The following PLPPR5 variants were observed in gnomAD, a reference collection of about 807,000 sequenced individuals.
The protein encoded by PLPPR5 is phospholipid phosphatase-related protein type 5.
PLPPR5 carries 16 observed loss-of-function variants against 33.9 expected under a neutral mutation model. The observed-to-expected ratio is 0.47, with a 90% CI of 0.32 to 0.72. The LOEUF (loss-of-function observed/expected upper bound fraction) is 0.72. Among genes scored for constraint, PLPPR5 ranks in the 30% least tolerant of loss-of-function variants. The pLI is 0.03. For missense variants in PLPPR5, 301 were observed against 406.7 expected (o/e 0.74, Z 2.23); for synonymous variants, 163 against 150.3 (o/e 1.08, Z -0.62).
At chr1:98,988,098 T>G (rs1474310508) in intron 1 of PLPPR5, among the ~76,000 whole-genome samples, 4 of 152,082 alleles carry the variant, frequency 2.6e-5, no homozygotes, top group African/African-American at 7.2e-5. Flanking sequence ...AAACTTTGAC[T>G]GGAATGTGGT....
At chr1:98,978,654 C>T (rs1463781865) in intron 1 of PLPPR5, among the ~76,000 whole-genome samples, 2 of 151,970 alleles carry the variant, frequency 1.3e-5, no homozygotes, top group Non-Finnish European at 2.9e-5. Context: ...GTTTTTTAAT[C>T]TGTTTCTTCT....
At chr1:98,958,989 C>T (rs1651127021) in intron 1 of PLPPR5, among the ~76,000 whole-genome samples, 1 of 151,336 alleles carries the variant, frequency 6.6e-6, no homozygotes, top group Non-Finnish European at 1.5e-5. Context: ...TGCTAAACTC[C>T]CTAGAATGTA....
chr1:98,974,012 G>T (rs1008522766), intron 1 of PLPPR5, among the ~76,000 whole-genome samples: 2 of 151,892 alleles, frequency 1.3e-5, no homozygotes, highest in Non-Finnish European at 2.9e-5. Context: ...AATCCTTTCC[G>T]GGTAGTGAAC....
chr1:98,982,639 T>C (rs970269398), intron 1 of PLPPR5, among the ~76,000 whole-genome samples: 5 of 152,110 alleles, frequency 3.3e-5, no homozygotes, highest in Non-Finnish European at 7.4e-5. Flanking sequence ...TGTTGCCAGA[T>C]TCCAGAATCA....
intron 3 of PLPPR5, among the ~76,000 whole-genome samples, chr1:98,936,441 C>T (rs1234799269): frequency 6.6e-6 from 1 of 152,176 alleles, no homozygotes; most frequent in African/African-American, 2.4e-5. Context: ...CCAAACCCAA[C>T]CCAGTTGTTT....
intron 5 of PLPPR5, among the ~76,000 whole-genome samples, chr1:98,902,237 T>C (rs986793183): frequency 3.3e-5 from 5 of 152,150 alleles, no homozygotes; most frequent in African/African-American, 1.2e-4. Context: ...ATATGACTGT[T>C]ATATTTATGG....
intron 5 of PLPPR5, among the ~76,000 whole-genome samples, chr1:98,909,228 C>T (rs1191572557): frequency 1.0e-5 from 1 of 98,888 alleles, no homozygotes; most frequent in East Asian, 3.4e-4. Context: ...CCCCTCCCTT[C>T]CCTTCCCTTT....
chr1:98,977,395 A>T (rs528145905), intron 1 of PLPPR5, among the ~76,000 whole-genome samples: 4 of 151,744 alleles, frequency 2.6e-5, no homozygotes, highest in African/African-American at 9.7e-5. Context: ...AATGGAGTCA[A>T]CTCACAAAAT....
At chr1:98,897,776 C>A (rs1241168769) in intron 5 of PLPPR5, among the ~76,000 whole-genome samples, 2 of 152,052 alleles carry the variant, frequency 1.3e-5, no homozygotes, top group Non-Finnish European at 2.9e-5. Flanking sequence ...AGCAATTTAA[C>A]CTTTCACAGA....
At chr1:98,955,198 G>A (rs972106525) in intron 2 of PLPPR5, among the ~76,000 whole-genome samples, 1 of 151,940 alleles carries the variant, frequency 6.6e-6, no homozygotes, top group Admixed American at 6.6e-5. Context: ...CAAACCATAA[G>A]GGAACAAGAA....
intron 1 of PLPPR5, among the ~76,000 whole-genome samples, chr1:98,976,772 TATAG>T (rs1380407560): frequency 1.3e-5 from 2 of 152,218 alleles, no homozygotes; most frequent in African/African-American, 2.4e-5. Context: ...ATTTTGCATA[TATAG>T]AGTTAGTAAA....
chr1:98,897,581 A>G (rs1327494330), intron 5 of PLPPR5, among the ~76,000 whole-genome samples: 1 of 152,172 alleles, frequency 6.6e-6, no homozygotes, highest in African/African-American at 2.4e-5. Flanking sequence ...AGGAGAAGCT[A>G]TCAACAATCA....
At chr1:98,916,276 T>C (rs1649346355) in intron 4 of PLPPR5, among the ~76,000 whole-genome samples, 1 of 152,226 alleles carries the variant, frequency 6.6e-6, no homozygotes, top group Non-Finnish European at 1.5e-5. Flanking sequence ...CCAGAAGAAC[T>C]ACAGATTAGA....
chr1:98,955,694 CAA>C (rs1287329001), intron 2 of PLPPR5, among the ~76,000 whole-genome samples: 1 of 152,048 alleles, frequency 6.6e-6, no homozygotes, highest in Admixed American at 6.6e-5. Context: ...ATAATATCTT[CAA>C]AGTCTTCATC....
At chr1:98,909,626 G>A (rs1484414961) in intron 5 of PLPPR5, among the ~76,000 whole-genome samples, 1 of 151,916 alleles carries the variant, frequency 6.6e-6, no homozygotes, top group Non-Finnish European at 1.5e-5. Context: ...TTATGAAAGA[G>A]AAAACCAAAT....
intron 1 of PLPPR5, among the ~76,000 whole-genome samples, chr1:99,002,092 C>A (rs150145873): frequency 6.6e-6 from 1 of 152,052 alleles, no homozygotes; most frequent in African/African-American, 2.4e-5. Context: ...GCTAACCCAG[C>A]GTTCTTGAGA....
chr1:98,995,859 T>C (rs1204589753), intron 1 of PLPPR5, among the ~76,000 whole-genome samples: 1 of 152,060 alleles, frequency 6.6e-6, no homozygotes, highest in Non-Finnish European at 1.5e-5. Flanking sequence ...CATTATAACA[T>C]CATCACCATG....
In PLPPR5 at chr1:99,004,487, G is replaced by A; in HGVS notation, c.185C>T (p.Ala62Val). ...KPYPGPEDSS[A>V]VPPVLLYSLA... Reference sequence around the variant, plus strand: ...CGAGTAGAGGAGCACGGGGGGCACGGCGCTGCTGTCCTCCGGGCCCGGGTA... The same window carrying A: ...CGAGTAGAGGAGCACGGGGGGCACGACGCTGCTGTCCTCCGGGCCCGGGTA... Residue 62 changes from alanine (A) to valine (V), a missense_variant, in exon 1 of 6, where the codon GCC (alanine) becomes GTC (valine). Ala to Val is a moderately conservative substitution (Grantham distance 64). Coordinates refer to ENST00000263177, the MANE Select transcript of PLPPR5 (RefSeq NM_001037317.2). 6.2e-7 allele frequency: 1 copy of A among 1,612,902 alleles called. No homozygotes were observed. Among genetic ancestry groups the A allele is most frequent in the Non-Finnish European group, 8.5e-7 (1 of 1,179,752 alleles).
intron 5 of PLPPR5, among the ~76,000 whole-genome samples, chr1:98,895,784 G>A (rs1648448684): frequency 6.6e-6 from 1 of 151,930 alleles, no homozygotes; most frequent in South Asian, 2.1e-4. Context: ...GGGATTAGAA[G>A]TATCCTGCTT....
Sources: allele counts gnomAD v4.1 joint callset (sites outside exome capture counted in the v4.1 genomes callset), GRCh38; gene constraint gnomAD v4.1.1; transcripts MANE v1.5; gene names NCBI Gene and HGNC (gene_info 2026-07-23, HGNC 2026-07-21).